LRRTM3: variants seen among roughly 807,000 people sequenced by gnomAD.
The protein encoded by LRRTM3 is leucine-rich repeat transmembrane neuronal protein 3.
Under a neutral mutation model 44.7 loss-of-function variants are expected in LRRTM3, and 24 were observed. The observed-to-expected ratio is 0.54, with a 90% CI of 0.39 to 0.76. The LOEUF (loss-of-function observed/expected upper bound fraction) is 0.76, where lower values mean the gene tolerates loss of function less well. Among genes scored for constraint, LRRTM3 ranks in the 30% least tolerant of loss-of-function variants. The pLI, the probability that LRRTM3 is intolerant of heterozygous loss-of-function variation, is 0.00. For missense variants in LRRTM3, 587 were observed against 702.2 expected (o/e 0.84, Z 1.85); for synonymous variants, 277 against 278.7 (o/e 0.99, Z 0.06).
intron 2 of LRRTM3, among the ~76,000 whole-genome samples, chr10:67,028,083 T>C (rs1853499797): frequency 6.6e-6 from 1 of 152,152 alleles, no homozygotes; most frequent in African/African-American, 2.4e-5. Flanking sequence ...ACTGCTATAT[T>C]CGTTTATTCT....
At chr10:66,931,144 G>A (rs571022989) in intron 2 of LRRTM3, among the ~76,000 whole-genome samples, 12 of 137,004 alleles carry the variant, frequency 8.8e-5, no homozygotes, top group Non-Finnish European at 1.8e-4. Context: ...TATTTTTCTA[G>A]TACGTATTTA....
chr10:67,019,286 T>C (rs1347696643), intron 2 of LRRTM3, among the ~76,000 whole-genome samples: 3 of 152,228 alleles, frequency 2.0e-5, no homozygotes, highest in African/African-American at 7.2e-5. Flanking sequence ...TGGCGTTATC[T>C]TGGCTCACCA....
chr10:66,946,092 T>C (rs1327830451), intron 2 of LRRTM3, among the ~76,000 whole-genome samples: 2 of 152,152 alleles, frequency 1.3e-5, no homozygotes, highest in Non-Finnish European at 2.9e-5. Flanking sequence ...ACAGAGCTCA[T>C]AGACTTGCTT....
At chr10:66,937,095 T>C (rs1248536468) in intron 2 of LRRTM3, among the ~76,000 whole-genome samples, 4 of 152,180 alleles carry the variant, frequency 2.6e-5, no homozygotes, top group Non-Finnish European at 4.4e-5. Context: ...GAGAATTTTT[T>C]TTTCAGTGAA....
chr10:66,942,713 A>G (rs1848072505), intron 2 of LRRTM3, among the ~76,000 whole-genome samples: 1 of 151,832 alleles, frequency 6.6e-6, no homozygotes, highest in Non-Finnish European at 1.5e-5. Flanking sequence ...ACCTTCCCAT[A>G]CTCAGCACTC....
chr10:67,003,011 G>T (rs1851771718), intron 2 of LRRTM3, among the ~76,000 whole-genome samples: 2 of 152,042 alleles, frequency 1.3e-5, no homozygotes, highest in Admixed American at 1.3e-4. Context: ...TGCTTTCACG[G>T]TAATTATGAT....
At chr10:67,087,158 A>G (rs535133015) in intron 2 of LRRTM3, among the ~76,000 whole-genome samples, 59 of 152,148 alleles carry the variant, frequency 3.9e-4, no homozygotes, top group Non-Finnish European at 5.3e-4. Flanking sequence ...TTTACATGTA[A>G]ATGAACACAC....
At chr10:66,938,039 G>C (rs1399808498) in intron 2 of LRRTM3, among the ~76,000 whole-genome samples, 1 of 152,040 alleles carries the variant, frequency 6.6e-6, no homozygotes, top group Non-Finnish European at 1.5e-5. Context: ...ATGCATGATA[G>C]ATGTTGTTGA....
At chr10:66,980,185 A>G (rs1850331437) in intron 2 of LRRTM3, among the ~76,000 whole-genome samples, 1 of 152,172 alleles carries the variant, frequency 6.6e-6, no homozygotes, top group South Asian at 2.1e-4. Context: ...AGGTGCTTTA[A>G]CTGACCTACG....
chr10:66,938,175 G>A (rs1207086976), intron 2 of LRRTM3, among the ~76,000 whole-genome samples: 1 of 151,958 alleles, frequency 6.6e-6, no homozygotes, highest in African/African-American at 2.4e-5. Context: ...ACTTTTTTTA[G>A]TTTTAATTTA....
At chr10:67,037,805 T>G (rs1016888987) in intron 2 of LRRTM3, among the ~76,000 whole-genome samples, 9 of 152,158 alleles carry the variant, frequency 5.9e-5, no homozygotes, top group African/African-American at 2.2e-4. Flanking sequence ...TTACAGTCAG[T>G]GAGTTCAGCT....
chr10:66,989,675 C>T (rs1925607), intron 2 of LRRTM3, among the ~76,000 whole-genome samples: 11,239 of 152,110 alleles, frequency 0.074, 572 homozygotes, highest in African/African-American at 0.13. Flanking sequence ...ACAGTCTTTA[C>T]ATAATAAGAC....
chr10:67,006,577 A>C (rs759631909), intron 2 of LRRTM3, among the ~76,000 whole-genome samples: 4 of 152,164 alleles, frequency 2.6e-5, no homozygotes, highest in Non-Finnish European at 5.9e-5. Context: ...CTAAAGTAGA[A>C]GTCTCAATTA....
At chr10:67,005,011 T>C (rs1403036185) in intron 2 of LRRTM3, among the ~76,000 whole-genome samples, 1 of 152,168 alleles carries the variant, frequency 6.6e-6, no homozygotes, top group Non-Finnish European at 1.5e-5. Context: ...ACCCTCAAGG[T>C]AGTTTCATAG....
chr10:66,950,151 G>C (rs1848465870), intron 2 of LRRTM3, among the ~76,000 whole-genome samples: 1 of 151,918 alleles, frequency 6.6e-6, no homozygotes, highest in Admixed American at 6.6e-5. Context: ...ATTGCTTTTT[G>C]ACAAATTATA....
chr10:66,989,329 A>C (rs1386631505), intron 2 of LRRTM3, among the ~76,000 whole-genome samples: 1 of 152,158 alleles, frequency 6.6e-6, no homozygotes, highest in East Asian at 1.9e-4. Flanking sequence ...TATTCCCTAA[A>C]AGTCCACAGA....
intron 2 of LRRTM3, among the ~76,000 whole-genome samples, chr10:66,978,138 G>A (rs1850170820): frequency 6.6e-6 from 1 of 151,836 alleles, no homozygotes; most frequent in Non-Finnish European, 1.5e-5. Context: ...TTAAGAGAAT[G>A]GGGAGTTGCT....
chr10:66,991,638 G>C (rs189928332), intron 2 of LRRTM3, among the ~76,000 whole-genome samples: 1 of 151,994 alleles, frequency 6.6e-6, no homozygotes. Context: ...TGCAACCTTC[G>C]CCTCCTGGGT....
intron 2 of LRRTM3, among the ~76,000 whole-genome samples, chr10:67,050,144 C>A (rs12775219): frequency 0.44 from 67,195 of 152,062 alleles, 15,250 homozygotes; most frequent in Middle Eastern, 0.61. Context: ...CTAAACTTTT[C>A]TGCTGTGTTG....
Sources: allele counts gnomAD v4.1 joint callset (sites outside exome capture counted in the v4.1 genomes callset), GRCh38; gene constraint gnomAD v4.1.1; transcripts MANE v1.5; gene names NCBI Gene and HGNC (gene_info 2026-07-23, HGNC 2026-07-21).